The following GLIS3 variants were observed in gnomAD, a reference collection of about 807,000 sequenced individuals.
The protein encoded by GLIS3 is GLIS family zinc finger 3, also known as zinc finger protein GLIS3.
In GLIS3, 53 loss-of-function variants were observed where a neutral mutation model predicts 78.6. The observed-to-expected ratio is 0.67, with a 90% CI of 0.54 to 0.85. The LOEUF (loss-of-function observed/expected upper bound fraction) is 0.85, where lower values mean the gene tolerates loss of function less well. Ranked by LOEUF, GLIS3 falls within the 40% of genes least tolerant of loss-of-function variation. GLIS3 has a pLI of 0.00. For synonymous variants in GLIS3, 684 were observed against 509.9 expected, an observed-to-expected ratio of 1.34 and a Z score of -4.60; for missense variants, 1,703 against 1,231.1, an observed-to-expected ratio of 1.38 and a Z score of -5.74.
At chr9:4,172,271 G>A (rs1339548087) in intron 2 of GLIS3, among the ~76,000 whole-genome samples, 2 of 152,136 alleles carry the variant, frequency 1.3e-5, no homozygotes, top group Non-Finnish European at 2.9e-5. Flanking sequence ...CTCAGCTCCA[G>A]TCCTCAATAT....
At chr9:4,294,751 A>G (rs1816332896) in intron 1 of GLIS3, among the ~76,000 whole-genome samples, 1 of 152,188 alleles carries the variant, frequency 6.6e-6, no homozygotes, top group Non-Finnish European at 1.5e-5. Flanking sequence ...CAGCCCTTAC[A>G]TGTACACAGA....
intron 6 of GLIS3, among the ~76,000 whole-genome samples, chr9:3,906,240 T>TTA (rs1823689553): frequency 2.0e-5 from 3 of 152,284 alleles, no homozygotes; most frequent in Admixed American, 2.0e-4. Flanking sequence ...GTGGTTTATC[T>TTA]TATAAAAGAT....
rs529520026 is a variant in GLIS3 at position 4,263,501 on chromosome 9, T to A, written c.388+22537A>T. Among the ~76,000 whole-genome samples, 4 of 104,542 alleles carry A rather than the reference T, an allele frequency of 3.8e-5. No individual in the cohort carries two copies. The East Asian group carries it at 9.7e-4, about 25-fold the overall frequency. 68.6% of individuals were successfully genotyped at this position (104,542 alleles called of 152,430 possible). A position where few individuals can be genotyped will look rare whatever the true frequency, so the allele number is the denominator to read the frequency against. On this transcript the variant is annotated intron_variant, in intron 2 of 10. Transcript: ENST00000381971. ...AAATAAAGTCTAAGACAAGCAAAGA[T>A]TGCATTGAGGCCAAAAAAAAAGGAG...
At chr9:3,937,270 C>T in intron 4 of GLIS3, 81 bp from the exon 5 acceptor site, 1 of 1,431,232 alleles carries the variant, frequency 7.0e-7, no homozygotes, top group Non-Finnish European at 9.8e-7. Flanking sequence ...AAAAAATGTT[C>T]TTAGTTGGTA....
the GLIS3 span, among the ~76,000 whole-genome samples, chr9:4,432,496 C>CA: frequency 6.6e-6 from 1 of 152,082 alleles, no homozygotes; most frequent in Admixed American, 6.5e-5. Context: ...AAGAAGGCCT[C>CA]AAACACCATG....
chr9:4,359,389 T>A, the GLIS3 span, among the ~76,000 whole-genome samples: 8 of 152,314 alleles, frequency 5.3e-5, no homozygotes, highest in South Asian at 1.7e-3. Context: ...GCTGCTTACC[T>A]TCCTTCACAG....
At chr9:4,253,170 G>T (rs1239586880) in intron 2 of GLIS3, among the ~76,000 whole-genome samples, 1 of 152,250 alleles carries the variant, frequency 6.6e-6, no homozygotes, top group Non-Finnish European at 1.5e-5. Flanking sequence ...TCTCTTCAGA[G>T]CCGGCAGGCA....
the GLIS3 span, among the ~76,000 whole-genome samples, chr9:4,405,026 T>C: frequency 6.6e-6 from 1 of 151,692 alleles, no homozygotes; most frequent in Non-Finnish European, 1.5e-5. Flanking sequence ...AAATCAGAGA[T>C]GAAAAAGGAG....
At chr9:4,291,887 C>G (rs1465153765) in intron 1 of GLIS3, among the ~76,000 whole-genome samples, 2 of 152,098 alleles carry the variant, frequency 1.3e-5, no homozygotes, top group Non-Finnish European at 2.9e-5. Flanking sequence ...ACTACTTTCA[C>G]TAGTAATTAT....
the GLIS3 span, among the ~76,000 whole-genome samples, chr9:4,397,161 G>A: frequency 1.4e-5 from 2 of 140,558 alleles, no homozygotes; most frequent in South Asian, 2.3e-4. Flanking sequence ...GAGTAGCTGG[G>A]ACTACAGGTG....
intron 7 of GLIS3, among the ~76,000 whole-genome samples, chr9:3,883,095 A>T (rs2130489787): frequency 6.6e-6 from 1 of 152,306 alleles, no homozygotes; most frequent in South Asian, 2.1e-4. Context: ...CCCTTCAAAA[A>T]AAATGGACAA....
chr9:4,049,366 A>G (rs143486381), intron 4 of GLIS3, among the ~76,000 whole-genome samples: 1 of 152,270 alleles, frequency 6.6e-6, no homozygotes, highest in African/African-American at 2.4e-5. Context: ...CGTGATTGTT[A>G]AAGGATAAAA....
the GLIS3 span, among the ~76,000 whole-genome samples, chr9:4,370,203 ACAACC>A: frequency 7.0e-6 from 1 of 143,716 alleles, no homozygotes; most frequent in Admixed American, 6.9e-5. Context: ...AAAAAAAAAA[ACAACC>A]AAAAAACAAA....
intron 9 of GLIS3, among the ~76,000 whole-genome samples, chr9:3,853,746 AAAG>A (rs990853877): frequency 9.2e-5 from 14 of 152,220 alleles, no homozygotes; most frequent in Non-Finnish European, 1.8e-4. Context: ...TTTAGAGAAA[AAAG>A]AAGAAATCAC....
intron 2 of GLIS3, among the ~76,000 whole-genome samples, chr9:4,248,003 A>C (rs1823962975): frequency 6.6e-6 from 1 of 152,002 alleles, no homozygotes; most frequent in South Asian, 2.1e-4. Context: ...TGTAGCTGAA[A>C]CTCTGTACCC....
intron 4 of GLIS3, among the ~76,000 whole-genome samples, chr9:4,100,496 G>C (rs1326159667): frequency 6.6e-6 from 1 of 152,138 alleles, no homozygotes; most frequent in African/African-American, 2.4e-5. Context: ...GAGATGTACA[G>C]TTTTTTGCAT....
At chr9:4,037,923 C>A in intron 4 of GLIS3, among the ~76,000 whole-genome samples, 1 of 150,780 alleles carries the variant, frequency 6.6e-6, no homozygotes, top group Non-Finnish European at 1.5e-5. Flanking sequence ...TTCAGCTGCC[C>A]ACATTCAGGG....
intron 4 of GLIS3, among the ~76,000 whole-genome samples, chr9:4,064,036 C>T (rs1391188656): frequency 6.6e-6 from 1 of 151,830 alleles, no homozygotes; most frequent in Admixed American, 6.6e-5. Flanking sequence ...AATGTAGAAG[C>T]TCAATAGTTG....
chr9:4,378,971 A>G, the GLIS3 span, among the ~76,000 whole-genome samples: 1 of 152,190 alleles, frequency 6.6e-6, no homozygotes, highest in East Asian at 1.9e-4. Context: ...GGGTTAAATG[A>G]AGGCTGACAG....
Sources: gnomAD v4.1 joint callset for allele counts (sites outside exome capture counted in the v4.1 genomes callset) on GRCh38, gnomAD v4.1.1 for gene constraint, MANE v1.5 for transcripts, NCBI Gene and HGNC (gene_info 2026-07-23, HGNC 2026-07-21) for gene names.